NEK11: variants seen among roughly 807,000 people sequenced by gnomAD.
NEK11 encodes serine/threonine-protein kinase Nek11.
NEK11 carries 72 observed loss-of-function variants against 80.7 expected under a neutral mutation model. The observed-to-expected ratio is 0.89, with a 90% CI of 0.74 to 1.08. The LOEUF (loss-of-function observed/expected upper bound fraction) is 1.08, where lower values mean the gene tolerates loss of function less well. Among genes scored for constraint, NEK11 ranks in the 50% least tolerant of loss-of-function variants. The probability of loss-of-function intolerance (pLI) is 0.00; values close to 1 mark genes in which losing one functional copy is unlikely to be tolerated. For missense variants in NEK11, 764 were observed against 763.6 expected, an observed-to-expected ratio of 1.00 and a Z score of -0.01; for synonymous variants, 251 against 260.7, an observed-to-expected ratio of 0.96 and a Z score of 0.36.
chr3:131,270,116 C>T (rs1391054167), intron 16 of NEK11, among the ~76,000 whole-genome samples: 3 of 152,198 alleles, frequency 2.0e-5, no homozygotes, highest in African/African-American at 7.2e-5. Flanking sequence ...TCTACACTCC[C>T]CTGCAGAGTA....
intron 3 of NEK11, among the ~76,000 whole-genome samples, chr3:131,063,081 G>A (rs1316133665): frequency 6.6e-6 from 1 of 152,216 alleles, no homozygotes; most frequent in Non-Finnish European, 1.5e-5. Flanking sequence ...CTAGAGTGCA[G>A]TGGCACAATC....
intron 5 of NEK11, among the ~76,000 whole-genome samples, chr3:131,115,471 A>G (rs1052579166): frequency 2.0e-5 from 3 of 152,254 alleles, no homozygotes; most frequent in Non-Finnish European, 4.4e-5. Context: ...ATGAAGTTAC[A>G]GAAAAAGTGA....
At chr3:131,099,823 C>T (rs2078092363) in intron 4 of NEK11, among the ~76,000 whole-genome samples, 2 of 152,134 alleles carry the variant, frequency 1.3e-5, no homozygotes, top group African/African-American at 4.8e-5. Context: ...GATTTTGTAT[C>T]CTGAAACCTT....
At chr3:131,321,050 C>T (rs758538838) in intron 17 of NEK11, among the ~76,000 whole-genome samples, 1 of 152,066 alleles carries the variant, frequency 6.6e-6, no homozygotes, top group African/African-American at 2.4e-5. Context: ...CCAAAGCAAT[C>T]CTAAGCAAAA....
At chr3:131,141,724 A>C (rs1243521705) in intron 7 of NEK11, among the ~76,000 whole-genome samples, 1 of 152,164 alleles carries the variant, frequency 6.6e-6, no homozygotes, top group African/African-American at 2.4e-5. Flanking sequence ...AGACTCTGAG[A>C]AATGGTATGA....
chr3:131,169,854 G>C (rs1411831560), intron 13 of NEK11, among the ~76,000 whole-genome samples: 1 of 152,182 alleles, frequency 6.6e-6, no homozygotes, highest in Non-Finnish European at 1.5e-5. Context: ...TGCACGTAAA[G>C]ACGTATTTCA....
At chr3:131,073,266 A>G (rs763750486) in intron 3 of NEK11, among the ~76,000 whole-genome samples, 18 of 152,158 alleles carry the variant, frequency 1.2e-4, no homozygotes, top group African/African-American at 3.4e-4. Flanking sequence ...TTATTCATGC[A>G]ATATTTGTCT....
intron 14 of NEK11, among the ~76,000 whole-genome samples, chr3:131,194,187 T>G (rs1275823061): frequency 6.6e-6 from 1 of 152,248 alleles, no homozygotes; most frequent in African/African-American, 2.4e-5. Context: ...ATTTCAGTTT[T>G]CCCAGTTATA....
intron 14 of NEK11, among the ~76,000 whole-genome samples, chr3:131,210,953 G>C (rs984389781): frequency 1.5e-4 from 23 of 152,202 alleles, no homozygotes; most frequent in African/African-American, 5.5e-4. Flanking sequence ...TCTTTTAATT[G>C]GGGCATTTAG....
chr3:131,076,977 CTTAA>C (rs1051398611), intron 3 of NEK11, among the ~76,000 whole-genome samples: 2 of 152,138 alleles, frequency 1.3e-5, no homozygotes, highest in Admixed American at 6.5e-5. Flanking sequence ...AAAAGTAACC[CTTAA>C]TTAATATCTC....
chr3:131,269,442 T>C (rs2096133266), intron 16 of NEK11, among the ~76,000 whole-genome samples: 1 of 152,200 alleles, frequency 6.6e-6, no homozygotes, highest in Admixed American at 6.5e-5. Context: ...GCAAAGACCA[T>C]GGGAAAAGCA....
At chr3:131,115,962 CTTTCTT>C (rs200577213) in intron 5 of NEK11, among the ~76,000 whole-genome samples, 1 of 140,992 alleles carries the variant, frequency 7.1e-6, no homozygotes, top group Non-Finnish European at 1.5e-5. Flanking sequence ...TTCTTTCTTT[CTTTCTT>C]TCTTTCTTTC....
At chr3:131,287,955 A>C (rs1263324045) in intron 17 of NEK11, among the ~76,000 whole-genome samples, 1 of 152,194 alleles carries the variant, frequency 6.6e-6, no homozygotes, top group Non-Finnish European at 1.5e-5. Flanking sequence ...AGAAACTATC[A>C]TGAGTTCTTT....
intron 5 of NEK11, among the ~76,000 whole-genome samples, chr3:131,113,860 G>A (rs2080544315): frequency 2.0e-5 from 3 of 147,726 alleles, no homozygotes; most frequent in Non-Finnish European, 4.4e-5. Flanking sequence ...GCAGTGAGCC[G>A]AGATTGCACC....
chr3:131,232,979 GGGAAGGAAGGAAGGAAGGAA>G (rs55987547), intron 15 of NEK11, among the ~76,000 whole-genome samples: 87 of 132,734 alleles, frequency 6.6e-4, no homozygotes, highest in African/African-American at 1.1e-3. Context: ...TATATTTGAG[GGGAAGGAAGGAAGGAAGGAA>G]GGAAGGAAGG....
intron 17 of NEK11, among the ~76,000 whole-genome samples, chr3:131,343,582 G>A (rs2097317100): frequency 6.6e-6 from 1 of 152,174 alleles, no homozygotes; most frequent in South Asian, 2.1e-4. Context: ...CCAGCAGCAG[G>A]CTTCTGTCTG....
At chr3:131,295,983 G>T (rs1362452575) in intron 17 of NEK11, among the ~76,000 whole-genome samples, 1 of 152,124 alleles carries the variant, frequency 6.6e-6, no homozygotes, top group Non-Finnish European at 1.5e-5. Flanking sequence ...TGGGACCAAA[G>T]GTGAGTGCCA....
intron 3 of NEK11, among the ~76,000 whole-genome samples, chr3:131,044,129 A>G (rs2066966136): frequency 6.6e-6 from 1 of 152,198 alleles, no homozygotes; most frequent in Non-Finnish European, 1.5e-5. Context: ...AACCGGTACC[A>G]GCCACTGCAA....
At chr3:131,051,985 C>T (rs1560176517) in intron 3 of NEK11, among the ~76,000 whole-genome samples, 1 of 152,122 alleles carries the variant, frequency 6.6e-6, no homozygotes, top group Non-Finnish European at 1.5e-5. Context: ...GAGTTCTCAT[C>T]CTCTTCCCCA....
Sources: gnomAD v4.1 joint callset for allele counts (sites outside exome capture counted in the v4.1 genomes callset) on GRCh38, gnomAD v4.1.1 for gene constraint, MANE v1.5 for transcripts, NCBI Gene and HGNC (gene_info 2026-07-23, HGNC 2026-07-21) for gene names.